SCN3A: variants seen among roughly 807,000 people sequenced by gnomAD.
SCN3A encodes the protein sodium channel protein type 3 subunit alpha.
SCN3A carries 60 observed loss-of-function variants against 187.6 expected under a neutral mutation model. The observed-to-expected ratio is 0.32, with a 90% confidence interval of 0.26 to 0.40. The LOEUF is 0.40. Ranked by LOEUF, SCN3A falls within the 10% of genes least tolerant of loss-of-function variation. The pLI is 1.00. For synonymous variants in SCN3A, 788 were observed against 829.2 expected, an observed-to-expected ratio of 0.95 and a Z score of 0.85; for missense variants, 1,601 against 2,428.2, an observed-to-expected ratio of 0.66 and a Z score of 7.16.
chr2:165,180,139 T>C (rs1690750234), intron 2 of SCN3A, among the ~76,000 whole-genome samples: 1 of 152,160 alleles, frequency 6.6e-6, no homozygotes, highest in Admixed American at 6.5e-5. Flanking sequence ...ATACATCCCT[T>C]TGTTAACTAG....
At chr2:165,179,306 G>T (rs536098807) in intron 2 of SCN3A, among the ~76,000 whole-genome samples, 2 of 152,134 alleles carry the variant, frequency 1.3e-5, no homozygotes, top group East Asian at 3.8e-4. Flanking sequence ...TATCATTGAG[G>T]CACCTCAACA....
chr2:165,162,421 A>T, intron 8 of SCN3A, 50 bp from the exon 9 acceptor site: 1 of 1,598,210 alleles, frequency 6.3e-7, no homozygotes, highest in South Asian at 1.1e-5. Flanking sequence ...TCCTATTCAC[A>T]TTAGTATTAG....
At chr2:165,100,464 T>C (rs1685552676) in intron 21 of SCN3A, 40 bp from the exon 22 acceptor site, 1 of 1,599,830 alleles carries the variant, frequency 6.3e-7, no homozygotes, top group Admixed American at 1.7e-5. Context: ...CACCAAGAAA[T>C]AAACTGTTGA....
At chr2:165,132,451 G>A (rs1191361701) in intron 15 of SCN3A, among the ~76,000 whole-genome samples, 2 of 152,130 alleles carry the variant, frequency 1.3e-5, no homozygotes, top group East Asian at 1.9e-4. Context: ...CAATGGAACA[G>A]AACAGAGCCC....
At chr2:165,156,690 T>A (rs2105871080) in intron 9 of SCN3A, among the ~76,000 whole-genome samples, 1 of 152,200 alleles carries the variant, frequency 6.6e-6, no homozygotes, top group South Asian at 2.1e-4. Context: ...ACAGGCTTCA[T>A]ACATTCCATG....
At chr2:165,139,647 A>G (rs752511034) in intron 13 of SCN3A, 39 bp from the exon 14 acceptor site, 1 of 1,612,418 alleles carries the variant, frequency 6.2e-7, no homozygotes, top group Non-Finnish European at 8.5e-7. Context: ...CACTCTTCCC[A>G]ATAAGTAATA....
intron 1 of SCN3A, among the ~76,000 whole-genome samples, chr2:165,197,006 T>C (rs1692005968): frequency 2.0e-5 from 3 of 152,148 alleles, no homozygotes; most frequent in Admixed American, 2.0e-4. Flanking sequence ...TCCAAATGTG[T>C]ACATTGTTTG....
chr2:165,185,952 A>G (rs1691201022), intron 2 of SCN3A, among the ~76,000 whole-genome samples: 1 of 152,080 alleles, frequency 6.6e-6, no homozygotes, highest in Non-Finnish European at 1.5e-5. Flanking sequence ...GACAGGATGA[A>G]TGTCTCTCTT....
intron 5 of SCN3A, among the ~76,000 whole-genome samples, chr2:165,166,902 CTT>C (rs144536784): frequency 1.4e-4 from 20 of 148,094 alleles, no homozygotes; most frequent in Middle Eastern, 3.4e-3. Context: ...ATTCAATTGC[CTT>C]TTTTTTTTGT....
chr2:165,110,086 C>T (rs553471061), intron 21 of SCN3A, among the ~76,000 whole-genome samples: 36 of 152,264 alleles, frequency 2.4e-4, no homozygotes, highest in Non-Finnish European at 4.7e-4. Flanking sequence ...GCCCTCCCTC[C>T]GCTTCCCCAA....
chr2:165,095,519 T>C lies in SCN3A; in HGVS notation c.4423A>G (p.Lys1475Glu). The change falls in exon 25 of 28, where the codon AAA becomes GAA. Residue 1475 changes from lysine (K) to glutamate (E), a missense_variant. Around this residue, in one of 11 missense-constraint regions of SCN3A, gnomAD observed 320 missense variants for 623.2 expected, o/e 0.51. Transcript: ENST00000283254. ...GVIIDNFNQQ[K>E]KKFGGQDIFM... ...AGCTAAAGAATACTTATCTTCTTTT[T>C]CTGCTGGTTGAAGTTATCTATGATG... 1 of 1,612,968 alleles carries C rather than the reference T, an allele frequency of 6.2e-7. No homozygotes were observed. Among genetic ancestry groups the C allele is most frequent in the Non-Finnish European group, 8.5e-7 (1 of 1,179,140 alleles).
intron 12 of SCN3A, among the ~76,000 whole-genome samples, chr2:165,144,817 C>T (rs983965517): frequency 1.7e-4 from 26 of 151,942 alleles, no homozygotes; most frequent in African/African-American, 6.3e-4. Context: ...CTCTTTTATT[C>T]TTTGAGGTAT....
intron 11 of SCN3A, 141 bp downstream of exon 11, chr2:165,154,311 A>G: frequency 1.1e-6 from 1 of 943,654 alleles, no homozygotes; most frequent in South Asian, 1.7e-5. Context: ...ACAAGTTCAT[A>G]TTTGAATACT....
chr2:165,116,633 G>A (rs1248755538), intron 18 of SCN3A, among the ~76,000 whole-genome samples: 1 of 152,046 alleles, frequency 6.6e-6, no homozygotes, highest in South Asian at 2.1e-4. Context: ...TTTTAAAAAG[G>A]CCATAAACAC....
chr2:165,110,610 C>T (rs1431385683), intron 21 of SCN3A, among the ~76,000 whole-genome samples: 2 of 152,038 alleles, frequency 1.3e-5, no homozygotes, highest in African/African-American at 4.8e-5. Flanking sequence ...CTGTTTTAAC[C>T]TTATATTTAC....
At chr2:165,104,258 T>C (rs574844380) in intron 21 of SCN3A, among the ~76,000 whole-genome samples, 1 of 152,070 alleles carries the variant, frequency 6.6e-6, no homozygotes, top group East Asian at 1.9e-4. Context: ...TGATTATAAA[T>C]ATACAGTAAT....
At chr2:165,185,419 G>A (rs1285243154) in intron 2 of SCN3A, among the ~76,000 whole-genome samples, 1 of 152,126 alleles carries the variant, frequency 6.6e-6, no homozygotes, top group African/African-American at 2.4e-5. Flanking sequence ...GAAAGGTGAG[G>A]GGACTTCAGT....
rs1376254321 is a variant in SCN3A at position 165,162,764 on chromosome 2, C to G, written c.759G>C (p.Leu253=). 1 of 1,614,114 alleles carries G rather than the reference C, an allele frequency of 6.2e-7. No individual in the cohort carries two copies. The highest frequency in any genetic ancestry group is 2.2e-5 in the East Asian group (1 of 44,872). The change falls in exon 8 of 28, where the codon CTG becomes CTC. Residue 253 remains leucine, a synonymous_variant. Transcript: ENST00000283254. ...CAAACACGCTCAGACAGAACACAGT[C>G]AGGATCATCACATCAGAAAGCTTCT... ...SVKKLSDVMI[L]TVFCLSVFAL... is the part of the protein sequence containing the mutation.
chr2:165,153,691 T>C (rs943662548), intron 11 of SCN3A, among the ~76,000 whole-genome samples: 2 of 152,138 alleles, frequency 1.3e-5, no homozygotes, highest in Admixed American at 6.5e-5. Context: ...CTTATTAGAA[T>C]GGCTAAAATT....
Sources: gnomAD v4.1 joint callset for allele counts (sites outside exome capture counted in the v4.1 genomes callset) on GRCh38, gnomAD v4.1.1 for gene constraint, gnomAD v4.1.1 regional missense constraint, MANE v1.5 for transcripts, NCBI Gene and HGNC (gene_info 2026-07-23, HGNC 2026-07-21) for gene names.